Variants in MGA observed in about 807,000 individuals in gnomAD.
The protein encoded by MGA is MAX dimerization protein MGA, also known as MAX gene-associated protein.
A neutral mutation model predicts 261.1 loss-of-function variants in MGA; 40 were observed. That is an observed-to-expected ratio of 0.15 (90% CI 0.12 to 0.20). The LOEUF (loss-of-function observed/expected upper bound fraction) is 0.20. MGA is among the 10% of genes least tolerant of loss of function. The pLI is 1.00. For synonymous variants in MGA, 1,302 were observed against 1,290.6 expected (o/e 1.01, Z -0.19); for missense variants, 3,397 against 3,630.5 (o/e 0.94, Z 1.65).
chr15:41,733,918 C>G (rs1008551542), intron 11 of MGA, among the ~76,000 whole-genome samples: 4 of 76,186 alleles, frequency 5.3e-5, no homozygotes, highest in Admixed American at 3.2e-4. Flanking sequence ...AATTTTGTTT[C>G]TTTCTTTTTT....
chr15:41,656,377 T>TCTCTCACA (rs1555403733), upstream of MGA, among the ~76,000 whole-genome samples: 216 of 68,206 alleles, frequency 3.2e-3, 6 homozygotes, highest in Middle Eastern at 9.4e-3. Flanking sequence ...TCTCTCTCTC[T>TCTCTCACA]CACACCCAGG....
At chr15:41,634,746 G>C (rs1191863287) in intron 1 of MGA, among the ~76,000 whole-genome samples, 1 of 152,086 alleles carries the variant, frequency 6.6e-6, no homozygotes, top group Non-Finnish European at 1.5e-5. Context: ...GTATGTTCAG[G>C]GAGCGTTTGG....
rs114440381 is a variant in MGA at position 41,757,652 on chromosome 15, G to A, written c.7140-136G>A. On this transcript the variant is annotated intron_variant, in intron 18 of 23. Coordinates refer to ENST00000219905, the MANE Select transcript of MGA (RefSeq NM_001164273.2). Reference sequence around the variant, plus strand: ...TTTTAGAGAAAATATATAATGTCAAGTAAATAATGTGGCCATATATCACAC... The same window carrying A: ...TTTTAGAGAAAATATATAATGTCAAATAAATAATGTGGCCATATATCACAC... The A allele has an allele frequency of 6.5e-4, 350 of 540,794 alleles. 3 individuals are homozygous for A. The highest frequency in any genetic ancestry group is 5.5e-3 in the African/African-American group (292 of 53,496). 33.5% of individuals were successfully genotyped at this position (540,794 alleles called of 1,614,324 possible). A position where few individuals can be genotyped will look rare whatever the true frequency, so the allele number is the denominator to read the frequency against.
At chr15:41,643,728 T>A (rs60526934) in intron 1 of MGA, among the ~76,000 whole-genome samples, 39,759 of 151,728 alleles carry the variant, frequency 0.26, 5,595 homozygotes, top group Middle Eastern at 0.43. Flanking sequence ...CAGGATCTTT[T>A]TTTATCGTGT....
At position 41,766,937 on chromosome 15, in the gene MGA, C is replaced by G; in HGVS notation, c.8855C>G (p.Ser2952Cys). The G allele has an allele frequency of 6.2e-7, 1 of 1,614,026 alleles. No individual in the cohort carries two copies. The highest frequency in any genetic ancestry group is 8.5e-7 in the Non-Finnish European group (1 of 1,179,880). The change falls in exon 24 of 24, where the codon TCT (serine) becomes TGT (cysteine). Residue 2952 changes from serine to cysteine, a missense_variant. By Grantham distance (112) the Ser-to-Cys change is moderately radical. Coordinates refer to ENST00000219905, the MANE Select transcript of MGA (RefSeq NM_001164273.2). ...GCTATTGATGGAGGGAAGAATACTT[C>G]TGGCCTCCCTGCAGAGCCCGAAAGT...
chr15:41,708,517 C>T (rs1450921768), intron 7 of MGA, among the ~76,000 whole-genome samples: 1 of 152,198 alleles, frequency 6.6e-6, no homozygotes, highest in Non-Finnish European at 1.5e-5. Flanking sequence ...CAGGGCTTCA[C>T]CATGTTGGCC....
chr15:41,623,818 AGGCTGGAGTGCAGTG>A (rs1373253906), intron 1 of MGA, among the ~76,000 whole-genome samples: 2 of 146,904 alleles, frequency 1.4e-5, no homozygotes, highest in East Asian at 3.9e-4. Flanking sequence ...CTTGTCCCCC[AGGCTGGAGTGCAGTG>A]GTGCTCACCA....
intron 13 of MGA, among the ~76,000 whole-genome samples, chr15:41,739,172 G>A (rs1398380439): frequency 6.6e-6 from 1 of 151,938 alleles, no homozygotes; most frequent in Admixed American, 6.6e-5. Flanking sequence ...AAACAACTGT[G>A]CTGGTACCCA....
intron 1 of MGA, 131 bp from the exon 2 acceptor site, chr15:41,668,697 G>A (rs925657336): frequency 4.6e-5 from 20 of 436,218 alleles, no homozygotes; most frequent in Non-Finnish European, 7.3e-5. Context: ...AAGCTTAGAA[G>A]CAAAGTCTTA....
intron 1 of MGA, among the ~76,000 whole-genome samples, chr15:41,651,445 T>C (rs1285833817): frequency 6.6e-6 from 1 of 152,170 alleles, no homozygotes; most frequent in East Asian, 1.9e-4. Context: ...TCCTCCACTT[T>C]CTAATTTTAT....
chr15:41,729,084 A>C, intron 10 of MGA, 80 bp from the exon 11 acceptor site: 1 of 1,392,662 alleles, frequency 7.2e-7, no homozygotes, highest in Non-Finnish European at 9.8e-7. Flanking sequence ...ATACAAAAAA[A>C]GATTAAACAT....
At chr15:41,690,496 T>C (rs1344158407) in intron 2 of MGA, among the ~76,000 whole-genome samples, 4 of 152,192 alleles carry the variant, frequency 2.6e-5, no homozygotes, top group Non-Finnish European at 5.9e-5. Context: ...TTGACATAAA[T>C]GTGGGCATTT....
At chr15:41,726,088 G>A (rs1260939794) in intron 9 of MGA, among the ~76,000 whole-genome samples, 1 of 152,128 alleles carries the variant, frequency 6.6e-6, no homozygotes, top group Admixed American at 6.5e-5. Context: ...GGGTTTCATT[G>A]CGTCTATATT....
At chr15:41,710,527 A>C (rs1449798685) in intron 7 of MGA, among the ~76,000 whole-genome samples, 164 bp from the exon 8 acceptor site, 2 of 152,160 alleles carry the variant, frequency 1.3e-5, no homozygotes, top group Non-Finnish European at 1.5e-5. Context: ...TCTTCCTGTC[A>C]AAGTACTGGG....
intron 22 of MGA, among the ~76,000 whole-genome samples, chr15:41,763,630 CTA>C (rs2063625553): frequency 6.6e-6 from 1 of 151,732 alleles, no homozygotes; most frequent in Middle Eastern, 3.2e-3. Flanking sequence ...GTAATCTCAG[CTA>C]TTTAGGAGGC....
At chr15:41,637,706 A>C (rs989562640) in intron 1 of MGA, among the ~76,000 whole-genome samples, 3 of 152,078 alleles carry the variant, frequency 2.0e-5, no homozygotes, top group Non-Finnish European at 4.4e-5. Context: ...GCTAGAAGGA[A>C]CCAGAAATGA....
chr15:41,736,621 T>C lies in MGA; in HGVS notation c.4357T>C (p.Tyr1453His). 6.2e-7 allele frequency: 1 copy of C among 1,614,014 alleles called. No homozygotes were observed. The highest frequency in any genetic ancestry group is 8.5e-7 in the Non-Finnish European group (1 of 1,179,886). ...ACATGGAGGCAAAGGTCTGCCTTTTTATGCAGGGCTTTCTCCTGCAGGGAA... is the reference window on the plus strand; with the variant it reads ...ACATGGAGGCAAAGGTCTGCCTTTTCATGCAGGGCTTTCTCCTGCAGGGAA... Residue 1453 changes from tyrosine (Y) to histidine (H), a missense_variant, in exon 13 of 24, where the codon TAT becomes CAT. Coordinates refer to ENST00000219905, the MANE Select transcript of MGA (RefSeq NM_001164273.2).
intron 1 of MGA, among the ~76,000 whole-genome samples, chr15:41,647,907 G>A (rs2056966315): frequency 6.6e-6 from 1 of 152,094 alleles, no homozygotes; most frequent in Admixed American, 6.6e-5. Context: ...ACTGTTCTAG[G>A]TTGTTCCTGG....
intron 11 of MGA, among the ~76,000 whole-genome samples, chr15:41,731,915 T>C (rs955451354): frequency 2.2e-4 from 33 of 152,220 alleles, no homozygotes; most frequent in African/African-American, 7.7e-4. Flanking sequence ...TTGATCCTGC[T>C]ACTGTTTACC....
Sources: allele counts gnomAD v4.1 joint callset (sites outside exome capture counted in the v4.1 genomes callset), GRCh38; gene constraint gnomAD v4.1.1; transcripts MANE v1.5; gene names NCBI Gene and HGNC (gene_info 2026-07-23, HGNC 2026-07-21).